The following MYO15B variants were observed in gnomAD, a reference collection of about 807,000 sequenced individuals.
The protein encoded by MYO15B is myosin XVB.
MYO15B carries 207 observed loss-of-function variants against 119.3 expected under a neutral mutation model. That is an observed-to-expected ratio of 1.73 (90% CI 1.55 to 1.95). MYO15B has a LOEUF of 1.95. MYO15B is among the 30% of genes most tolerant of loss of function. MYO15B has a pLI of 0.00. For synonymous variants in MYO15B, 966 were observed against 498.9 expected, an observed-to-expected ratio of 1.94 and a Z score of -12.48; for missense variants, 2,264 against 1,203.1, an observed-to-expected ratio of 1.88 and a Z score of -13.04.
At chr17:75,614,490 T>C (rs1325012272) in intron 30 of MYO15B, 93 bp from the exon 31 acceptor site, 4 of 415,600 alleles carry the variant, frequency 9.6e-6, no homozygotes, top group African/African-American at 2.1e-5. Context: ...CTCCCAACCA[T>C]GGGGTGACCC....
At chr17:75,601,229 G>C (rs1185661172) in intron 14 of MYO15B, among the ~76,000 whole-genome samples, 1 of 152,002 alleles carries the variant, frequency 6.6e-6, no homozygotes, top group Non-Finnish European at 1.5e-5. Flanking sequence ...TGTAGAGATG[G>C]GATCTCACTA....
exon 36 of MYO15B, chr17:75,615,746 G>C: frequency 1.4e-6 from 1 of 700,606 alleles, no homozygotes. Flanking sequence ...AGCAGATGCA[G>C]CAGCGGCAGC....
chr17:75,603,375 G>T (rs770932907), intron 19 of MYO15B, 63 bp downstream of exon 19: 1 of 688,544 alleles, frequency 1.5e-6, no homozygotes, highest in Non-Finnish European at 2.6e-6. Context: ...TGGCAGCCCC[G>T]GGGGTCCTTC....
Position 75,624,245 on chromosome 17 carries a change from A to G in MYO15B, c.8343A>G (p.Pro2781=), listed in dbSNP as rs969056383. The stretch of plus-strand genomic sequence containing the variant: ...ATGGGGGGCGCCGGCGGATGCCCCC[A>G]CCGGGTGAAATGAAGGCTTTCCTGG... The change falls in exon 56 of 64, where the codon CCA becomes CCG. Residue 2781 remains proline, a synonymous_variant. Coordinates refer to ENST00000645453, the Ensembl canonical transcript of MYO15B. 7.1e-6 allele frequency: 5 copies of G among 702,768 alleles called. No individual in the cohort carries two copies. In the African/African-American group the frequency reaches 8.7e-5, roughly 12 times the overall value. 43.5% of individuals were successfully genotyped at this position (702,768 alleles called of 1,614,324 possible). A position where few individuals can be genotyped will look rare whatever the true frequency, so the allele number is the denominator to read the frequency against.
chr17:75,606,880 T>C (rs1483146812), intron 21 of MYO15B: 14 of 398,116 alleles, frequency 3.5e-5, no homozygotes, highest in Non-Finnish European at 5.3e-5. Flanking sequence ...TTCTCTTTCC[T>C]ATAACACCAC....
At chr17:75,621,010 C>G in intron 49 of MYO15B, 21 bp from the exon 50 acceptor site, 1 of 702,912 alleles carries the variant, frequency 1.4e-6, no homozygotes, top group East Asian at 2.7e-5. Context: ...TCAGGTGGCA[C>G]CAGGTTTCTT....
chr17:75,590,834 C>A (rs572852729), intron 2 of MYO15B, 73 bp from the exon 3 acceptor site: 2 of 263,262 alleles, frequency 7.6e-6, no homozygotes, highest in African/African-American at 4.4e-5. Flanking sequence ...CAGAGTGGGA[C>A]TGAGGGGCTG....
intron 52 of MYO15B, 169 bp from the exon 53 acceptor site, chr17:75,621,835 C>A: frequency 1.6e-6 from 1 of 612,332 alleles, no homozygotes. Flanking sequence ...ACCCAGGAGC[C>A]TCAGTTTCCC....
At chr17:75,604,849 G>A (rs900784774) in intron 19 of MYO15B, among the ~76,000 whole-genome samples, 1 of 152,136 alleles carries the variant, frequency 6.6e-6, no homozygotes, top group African/African-American at 2.4e-5. Flanking sequence ...TACAGCAAGT[G>A]TGAAAGGGCT....
intron 50 of MYO15B, 51 bp downstream of exon 50, chr17:75,621,227 G>A: frequency 1.5e-6 from 1 of 662,948 alleles, no homozygotes; most frequent in Non-Finnish European, 2.8e-6. Context: ...GTCTTCCTGA[G>A]AGAGAGCACC....
intron 37 of MYO15B, 27 bp downstream of exon 37, chr17:75,616,174 G>T: frequency 1.7e-6 from 1 of 571,438 alleles, no homozygotes; most frequent in Non-Finnish European, 3.1e-6. Context: ...TGGCAGGACC[G>T]TGCAGAAACA....
chr17:75,590,409 C>T (rs1472426331), intron 1 of MYO15B, 166 bp downstream of exon 1: 1 of 397,814 alleles, frequency 2.5e-6, no homozygotes, highest in Admixed American at 4.4e-5. Context: ...GGTGCTACGT[C>T]CCCAGGACCG....
exon 19 of MYO15B, chr17:75,603,232 C>A (rs1236995947): frequency 1.4e-6 from 1 of 702,954 alleles, no homozygotes; most frequent in Non-Finnish European, 2.6e-6. Flanking sequence ...AGCAACTGCA[C>A]CAGGCAGCCA....
In MYO15B at chr17:75,617,078, C is replaced by T. The variant is rs1007932113; in HGVS notation, c.6595-7C>T. 1 of 680,988 alleles carries T rather than the reference C, an allele frequency of 1.5e-6. No homozygotes were observed. The highest frequency in any genetic ancestry group is 2.7e-6 in the Non-Finnish European group (1 of 370,516). 42.2% of individuals were successfully genotyped at this position (680,988 alleles called of 1,614,324 possible). ...TCAGCCCGTGTACTTTCTCCGTATC[C>T]CCCCAGATGCTGTCCCCCAGCCCAG... On this transcript the variant is annotated splice_polypyrimidine_tract_variant and splice_region_variant and intron_variant, in intron 40 of 63. Coordinates refer to ENST00000645453, the Ensembl canonical transcript of MYO15B.
chr17:75,613,958 C>T (rs556593083), intron 29 of MYO15B, 181 bp downstream of exon 29: 455 of 590,068 alleles, frequency 7.7e-4, no homozygotes, highest in Middle Eastern at 1.3e-3. Flanking sequence ...TGGGAGCTCC[C>T]ACGGCAGATT....
At chr17:75,612,595 G>A (rs926759652) in intron 25 of MYO15B, among the ~76,000 whole-genome samples, 1 of 152,110 alleles carries the variant, frequency 6.6e-6, no homozygotes, top group Non-Finnish European at 1.5e-5. Flanking sequence ...AACCTGGGAG[G>A]TGGAGGCTGC....
chr17:75,621,334 G>GC lies in MYO15B; in HGVS notation c.7872-5dup, dbSNP rs1341161144. 11 of 695,494 alleles carry GC rather than the reference G, an allele frequency of 1.6e-5. No individual in the cohort carries two copies. Among genetic ancestry groups the GC allele is most frequent in the East Asian group, 2.7e-5 (1 of 37,080 alleles). 43.1% of individuals were successfully genotyped at this position (695,494 alleles called of 1,614,324 possible). A position where few individuals can be genotyped will look rare whatever the true frequency, so the allele number is the denominator to read the frequency against. ...CAAACAAGCTGGGCTGTCTCCCTCT[G>GC]CCCCCCACAGGCTGGGCCAGACTGA... On this transcript the variant is annotated splice_polypyrimidine_tract_variant and intron_variant, in intron 50 of 63. Transcript: ENST00000645453.
In MYO15B at chr17:75,605,509, AG is replaced by A. The variant is rs1410194834; in HGVS notation, c.4024del (p.Ala1342ProfsTer20). On this transcript the variant is annotated frameshift_variant, in exon 20 of 64. Transcript: ENST00000645453. LOFTEE classifies it high-confidence loss of function. The stretch of plus-strand genomic sequence containing the variant: ...CAGCTCCATCCTTGGAGCAGCTTCC[AG>A]GCCCTGGGGTCAGAAGGGCAGGAAG... 1.4e-6 allele frequency: 1 copy of A among 702,194 alleles called. No individual in the cohort carries two copies. The allele number at this position is 702,194 out of a possible 1,614,324, so 43.5% of individuals were successfully genotyped here.
intron 15 of MYO15B, among the ~76,000 whole-genome samples, chr17:75,601,908 G>A (rs956851706): frequency 1.3e-5 from 2 of 152,204 alleles, no homozygotes; most frequent in African/African-American, 2.4e-5. Context: ...TTGCTGTGAG[G>A]GTGAGATGTA....
Sources: allele counts gnomAD v4.1 joint callset (sites outside exome capture counted in the v4.1 genomes callset), GRCh38; gene constraint gnomAD v4.1.1; transcripts MANE v1.5; gene names NCBI Gene and HGNC (gene_info 2026-07-23, HGNC 2026-07-21).